LRCH2: variants seen among roughly 807,000 people sequenced by gnomAD.
LRCH2 encodes the protein leucine-rich repeat and calponin homology domain-containing protein 2.
In LRCH2, 38 loss-of-function variants were observed where a neutral mutation model predicts 68.9. That is an observed-to-expected ratio of 0.55 (90% CI 0.43 to 0.72). The LOEUF is 0.72. Ranked by LOEUF, LRCH2 falls within the 30% of genes least tolerant of loss-of-function variation. The pLI is 0.00. For synonymous variants in LRCH2, 191 were observed against 208.1 expected (o/e 0.92, Z 0.71); for missense variants, 528 against 572.9 (o/e 0.92, Z 0.80).
chrX:115,229,160 C>T (rs909204135), intron 1 of LRCH2, among the ~76,000 whole-genome samples: 1 of 111,418 alleles, frequency 9.0e-6, no homozygotes, highest in Non-Finnish European at 1.9e-5. Context: ...ATATAACCTA[C>T]GAAGTTAAAT....
chrX:115,178,351 G>A (rs1417795189), intron 5 of LRCH2, among the ~76,000 whole-genome samples: 2 of 111,783 alleles, frequency 1.8e-5, no homozygotes, highest in Non-Finnish European at 3.8e-5. Flanking sequence ...TTAAAATTTG[G>A]TTCCTTAGTT....
At chrX:115,232,684 C>T (rs891765474) in intron 1 of LRCH2, among the ~76,000 whole-genome samples, 5 of 111,497 alleles carry the variant, frequency 4.5e-5, no homozygotes, top group Non-Finnish European at 9.4e-5. Context: ...TTCAAAATGA[C>T]GACATCTATT....
chrX:115,154,267 T>C (rs145074802), intron 12 of LRCH2, among the ~76,000 whole-genome samples: 434 of 111,915 alleles, frequency 3.9e-3, no homozygotes, highest in Non-Finnish European at 5.8e-3. Flanking sequence ...GGAAAAATTA[T>C]AGAACTGCAA....
chrX:115,119,613 C>T (rs1348610844), intron 20 of LRCH2, among the ~76,000 whole-genome samples: 23 of 70,008 alleles, frequency 3.3e-4, no homozygotes, highest in African/African-American at 1.2e-3. Context: ...TTTACAGATT[C>T]AATGCCATCC....
intron 6 of LRCH2, among the ~76,000 whole-genome samples, chrX:115,167,215 A>AAAAAC (rs2147390861): frequency 9.7e-6 from 1 of 103,464 alleles, no homozygotes; most frequent in Non-Finnish European, 2.0e-5. Context: ...AAAAAAAAAA[A>AAAAAC]AAAACAATAA....
At chrX:115,227,056 A>G (rs2073123645) in intron 1 of LRCH2, among the ~76,000 whole-genome samples, 1 of 111,024 alleles carries the variant, frequency 9.0e-6, no homozygotes, top group Non-Finnish European at 1.9e-5. Context: ...TGTCCTTTTC[A>G]ATGTAGGATG....
In LRCH2 at chrX:115,157,087, G is replaced by A. The variant is rs782558889; in HGVS notation, c.1464-420C>T. Among the ~76,000 whole-genome samples, 8 of 110,628 alleles carry A rather than the reference G, an allele frequency of 7.2e-5. No individual in the cohort carries two copies. The East Asian group carries it at 1.1e-3, about 16-fold the overall frequency. ...TTTTAATTCTAAATGCAAAATCAGC[G>A]CTCCAGTCCAATTCTTTAAAAAAAC... On this transcript the variant is annotated intron_variant, in intron 11 of 20. Coordinates refer to ENST00000317135, the MANE Select transcript of LRCH2 (RefSeq NM_020871.4).
At chrX:115,184,244 C>CA (rs1410699105) in intron 3 of LRCH2, among the ~76,000 whole-genome samples, 167 bp downstream of exon 3, 2 of 112,186 alleles carry the variant, frequency 1.8e-5, no homozygotes, top group Non-Finnish European at 3.8e-5. Flanking sequence ...TGGAAAAACT[C>CA]AGACATATAG....
At chrX:115,215,797 T>G (rs1334068784) in intron 1 of LRCH2, among the ~76,000 whole-genome samples, 2 of 105,081 alleles carry the variant, frequency 1.9e-5, no homozygotes, top group Non-Finnish European at 3.9e-5. Context: ...AAAAACATAA[T>G]TCATTAATCA....
chrX:115,123,334 T>C (rs2072160171), intron 17 of LRCH2, 142 bp from the exon 18 acceptor site: 1 of 447,993 alleles, frequency 2.2e-6, no homozygotes, highest in Admixed American at 4.1e-5. Context: ...TTTTAGAGAA[T>C]ATATTTGAAC....
intron 5 of LRCH2, among the ~76,000 whole-genome samples, chrX:115,177,046 CTTTTTTTT>C (rs35686915): frequency 0.12 from 8,146 of 66,554 alleles, 540 homozygotes; most frequent in Middle Eastern, 0.18. Context: ...CGCACCCAGC[CTTTTTTTT>C]TTTTTTTTTT....
chrX:115,130,337 G>A (rs1246566818), intron 14 of LRCH2, 138 bp from the exon 15 acceptor site: 5 of 348,206 alleles, frequency 1.4e-5, no homozygotes, highest in East Asian at 1.4e-4. Flanking sequence ...TATAACAGGT[G>A]TAAATAGTCC....
At chrX:115,166,721 C>A (rs898475953) in intron 6 of LRCH2, among the ~76,000 whole-genome samples, 7 of 110,809 alleles carry the variant, frequency 6.3e-5, no homozygotes, top group Admixed American at 3.9e-4. Context: ...ATGCTTTACT[C>A]TTCATTGGCT....
In LRCH2 at chrX:115,150,038, G is replaced by A; in HGVS notation, c.1562C>T (p.Ser521Leu). 1 of 1,170,428 alleles carries A rather than the reference G, an allele frequency of 8.5e-7. No homozygotes were observed. Among genetic ancestry groups the A allele is most frequent in the African/African-American group, 1.8e-5 (1 of 56,266 alleles). The part of the protein sequence containing the change: ...VSADEVNSPL[S>L]PLTWQPLENQ... ...TCTTCTTACCTGCCAGGTGAGGGGT[G>A]ATAATGGTGAATTAACTTCATCTGC... The change falls in exon 13 of 21, where the codon TCA becomes TTA. Residue 521 changes from serine (S) to leucine (L), a missense_variant. Transcript: ENST00000317135.
intron 12 of LRCH2, among the ~76,000 whole-genome samples, chrX:115,150,753 A>T (rs192001173): frequency 9.0e-6 from 1 of 111,344 alleles, no homozygotes; most frequent in Admixed American, 9.6e-5. Context: ...TAAAATTTAT[A>T]GAACACATGA....
chrX:115,195,565 T>C lies in LRCH2; in HGVS notation c.350-7195A>G, dbSNP rs143125401. ...ACATTTCCAGCACACCTCATCCACT[T>C]AGAAAAACCAAAGTGGTATGTAGAC... On this transcript the variant is annotated intron_variant, in intron 1 of 20. Coordinates refer to ENST00000317135, the MANE Select transcript of LRCH2 (RefSeq NM_020871.4). Among the ~76,000 whole-genome samples the C allele has an allele frequency of 3.3e-3, 360 of 110,672 alleles. 5 individuals are homozygous for C. In the East Asian group the frequency reaches 0.051, roughly 16 times the overall value.
intron 1 of LRCH2, among the ~76,000 whole-genome samples, chrX:115,221,038 G>A (rs1431545963): frequency 1.9e-5 from 2 of 106,355 alleles, no homozygotes; most frequent in Non-Finnish European, 3.9e-5. Flanking sequence ...TTAGCTGGGC[G>A]TGGTGGCGGG....
chrX:115,117,708 T>C (rs1450811239), intron 20 of LRCH2, among the ~76,000 whole-genome samples: 1 of 111,624 alleles, frequency 9.0e-6, no homozygotes, highest in East Asian at 2.8e-4. Flanking sequence ...ATACATATTG[T>C]ATCATTCCAT....
intron 11 of LRCH2, among the ~76,000 whole-genome samples, chrX:115,158,064 T>C (rs983173172): frequency 2.7e-5 from 3 of 112,068 alleles, no homozygotes; most frequent in African/African-American, 9.7e-5. Flanking sequence ...CTATTCTAAT[T>C]AAACATCTAG....
Sources: allele counts gnomAD v4.1 joint callset (sites outside exome capture counted in the v4.1 genomes callset), GRCh38; gene constraint gnomAD v4.1.1; transcripts MANE v1.5; gene names NCBI Gene and HGNC (gene_info 2026-07-23, HGNC 2026-07-21).